The following RUNX3 variants were observed in gnomAD, a reference collection of about 807,000 sequenced individuals.
The protein encoded by RUNX3 is RUNX family transcription factor 3.
Under a neutral mutation model 27.7 loss-of-function variants are expected in RUNX3, and 10 were observed. The observed-to-expected ratio is 0.36, with a 90% CI of 0.22 to 0.61. The LOEUF is 0.61. Ranked by LOEUF, RUNX3 falls within the 20% of genes least tolerant of loss-of-function variation. The pLI is 0.72. For missense variants in RUNX3, 469 were observed against 629.5 expected (o/e 0.75, Z 2.73); for synonymous variants, 270 against 269.2 (o/e 1.00, Z -0.03).
intron 2 of RUNX3, among the ~76,000 whole-genome samples, chr1:24,949,087 G>T (rs1053007688): frequency 6.6e-6 from 1 of 151,964 alleles, no homozygotes; most frequent in African/African-American, 2.4e-5. Context: ...GGGGATGGGG[G>T]TCTGCAGGTC....
At position 24,916,465 on chromosome 1, in the gene RUNX3, C is replaced by G. The variant is rs935027230; in HGVS notation, c.544+2775G>C. Among the ~76,000 whole-genome samples the G allele has an allele frequency of 6.6e-6, 1 of 152,232 alleles. No homozygotes were observed. The highest frequency in any genetic ancestry group is 1.5e-5 in the Non-Finnish European group (1 of 68,046). ...AAGGTTTTGCGCCCTGGCCTCTATCCTCTCCTGGGGTTGCCCAAGAGATCA... is the reference window on the plus strand; with the variant it reads ...AAGGTTTTGCGCCCTGGCCTCTATCGTCTCCTGGGGTTGCCCAAGAGATCA... On this transcript the variant is annotated intron_variant, in intron 3 of 4. Transcript: ENST00000308873. The surrounding 1 kb of genome is among the most constrained non-coding windows in gnomAD (Gnocchi z 4.8).
chr1:24,964,531 G>A (rs896082468), exon 2 of RUNX3: 6 of 1,611,666 alleles, frequency 3.7e-6, no homozygotes, highest in East Asian at 4.5e-5. Context: ...GAAGGTCGGC[G>A]AGTAGGTCGG....
In RUNX3 at chr1:24,902,837, C is replaced by G. The variant is rs1640587925; in HGVS notation, c.704-171G>C. Among the ~76,000 whole-genome samples the G allele has an allele frequency of 6.6e-6, 1 of 152,192 alleles. No individual in the cohort carries two copies. The highest frequency in any genetic ancestry group is 2.4e-5 in the African/African-American group (1 of 41,444). On this transcript the variant is annotated intron_variant, in intron 4 of 4. Coordinates refer to ENST00000308873, the MANE Select transcript of RUNX3 (RefSeq NM_004350.3). This position sits in a 1 kb window ranked among gnomAD's most constrained non-coding sequence, Gnocchi z 9.2. ...GCCCGGGGCCTCCCCCGCCAGGACTCCGAACACAGACCTGCCGGGAAGCTG... is the reference window on the plus strand; with the variant it reads ...GCCCGGGGCCTCCCCCGCCAGGACTGCGAACACAGACCTGCCGGGAAGCTG...
chr1:24,930,144 C>T lies in RUNX3; in HGVS notation c.-276G>A. On this transcript the variant is annotated 5_prime_UTR_variant, in exon 1 of 5. Coordinates refer to ENST00000308873, the MANE Select transcript of RUNX3 (RefSeq NM_004350.3). This position sits in a 1 kb window ranked among gnomAD's most constrained non-coding sequence, Gnocchi z 4.1. ...GCGTGCGGCCGCCCCTCGTGGCTGT[C>T]CCGGCTGCCTGGGCCGCGGCGGGGC... 1.0e-6 allele frequency: 1 copy of T among 979,474 alleles called. No individual in the cohort carries two copies. Among genetic ancestry groups the T allele is most frequent in the Non-Finnish European group, 1.2e-6 (1 of 827,544 alleles). The allele number at this position is 979,474 out of a possible 1,614,324, so 60.7% of individuals were successfully genotyped here.
intron 2 of RUNX3, among the ~76,000 whole-genome samples, chr1:24,924,548 T>G (rs531323885): frequency 6.6e-6 from 1 of 152,250 alleles, no homozygotes; most frequent in East Asian, 1.9e-4. Flanking sequence ...AGTCATGGTA[T>G]TGGCAGCAAG....
At chr1:24,952,606 C>G (rs1641794075) in intron 2 of RUNX3, among the ~76,000 whole-genome samples, 1 of 152,174 alleles carries the variant, frequency 6.6e-6, no homozygotes. Context: ...TGAGGAACAC[C>G]CTCTCGCAGG....
At chr1:24,956,615 C>G (rs556955592) in intron 2 of RUNX3, among the ~76,000 whole-genome samples, 4 of 152,130 alleles carry the variant, frequency 2.6e-5, no homozygotes, top group African/African-American at 9.7e-5. Flanking sequence ...CACAGGGGTG[C>G]GAAGAGCTGG....
At chr1:24,941,114 ACC>A (rs1641465949) in intron 2 of RUNX3, among the ~76,000 whole-genome samples, 2 of 152,194 alleles carry the variant, frequency 1.3e-5, no homozygotes, top group East Asian at 3.8e-4. Flanking sequence ...GGTCCTGTGT[ACC>A]ATCACACTCT....
chr1:24,943,039 A>C lies in RUNX3; in HGVS notation c.59-13187T>G, dbSNP rs1641516915. On this transcript the variant is annotated intron_variant, in intron 2 of 6. Transcript: ENST00000338888. The surrounding 1 kb of genome is among the most constrained non-coding windows in gnomAD (Gnocchi z 4.6). The stretch of plus-strand genomic sequence containing the variant: ...GGACTGGGCGGGGGTCCGGAGCGGA[A>C]GGCGCCCAGCCCTGATTGGAACAAG... Among the ~76,000 whole-genome samples the C allele has an allele frequency of 6.6e-6, 1 of 152,204 alleles. No homozygotes were observed. Among genetic ancestry groups the C allele is most frequent in the Non-Finnish European group, 1.5e-5 (1 of 68,034 alleles).
chr1:24,935,329 C>G (rs762338600), intron 2 of RUNX3, among the ~76,000 whole-genome samples: 1 of 152,182 alleles, frequency 6.6e-6, no homozygotes, highest in Non-Finnish European at 1.5e-5. Flanking sequence ...ACATGCCATG[C>G]GGGTTCCATA....
At chr1:24,951,065 T>C (rs1641749411) in intron 2 of RUNX3, among the ~76,000 whole-genome samples, 1 of 151,486 alleles carries the variant, frequency 6.6e-6, no homozygotes, top group South Asian at 2.1e-4. Flanking sequence ...AATTAGCCGG[T>C]TGTGGTGGTG....
chr1:24,944,496 A>G (rs542987374), intron 2 of RUNX3, among the ~76,000 whole-genome samples: 2 of 152,312 alleles, frequency 1.3e-5, no homozygotes, highest in African/African-American at 4.8e-5. Context: ...ACCTGTGGCT[A>G]TGTTACCTTA....
At chr1:24,907,766 G>A (rs1224516109) in intron 3 of RUNX3, among the ~76,000 whole-genome samples, 2 of 148,266 alleles carry the variant, frequency 1.3e-5, no homozygotes, top group African/African-American at 5.0e-5. Flanking sequence ...TACAACACGC[G>A]GTGATCTAAA....
At chr1:24,917,670 T>C (rs1381578916) in intron 3 of RUNX3, among the ~76,000 whole-genome samples, 2 of 152,220 alleles carry the variant, frequency 1.3e-5, no homozygotes, top group Admixed American at 1.3e-4. Flanking sequence ...ATTAAGCCAC[T>C]GTTTCCTCGC....
chr1:24,919,883 G>GTT (rs577677713), intron 2 of RUNX3, among the ~76,000 whole-genome samples: 1 of 146,696 alleles, frequency 6.8e-6, no homozygotes, highest in Admixed American at 6.8e-5. Context: ...TTTTCATACT[G>GTT]TTTTTTTTTT....
intron 3 of RUNX3, among the ~76,000 whole-genome samples, chr1:24,907,786 C>A (rs1640698689): frequency 6.6e-6 from 1 of 151,640 alleles, no homozygotes; most frequent in Admixed American, 6.6e-5. Flanking sequence ...ACCTCTACAA[C>A]ACACGGTGAT....
In RUNX3 at chr1:24,902,743, TC is replaced by T; in HGVS notation, c.704-78del. 1 of 1,317,926 alleles carries T rather than the reference TC, an allele frequency of 7.6e-7. No homozygotes were observed. The highest frequency in any genetic ancestry group is 1.8e-5 in the South Asian group (1 of 56,810). The allele number at this position is 1,317,926 out of a possible 1,614,324, so 81.6% of individuals were successfully genotyped here. A position where few individuals can be genotyped will look rare whatever the true frequency, so the allele number is the denominator to read the frequency against. On this transcript the variant is annotated intron_variant, in intron 4 of 4. Transcript: ENST00000308873. The surrounding 1 kb of genome is among the most constrained non-coding windows in gnomAD (Gnocchi z 9.2). The stretch of plus-strand genomic sequence containing the variant: ...GGCTTCCTGAAGAATGACCTTGGGC[TC>T]TGGTTCCCAAGGCCCATCTGGGGGA...
intron 2 of RUNX3, among the ~76,000 whole-genome samples, chr1:24,938,814 C>T (rs1339251396): frequency 6.6e-6 from 1 of 152,156 alleles, no homozygotes. Flanking sequence ...AAGACACTGC[C>T]TTGGAAACAG....
chr1:24,910,709 G>A (rs905735337), intron 3 of RUNX3, among the ~76,000 whole-genome samples: 2 of 152,184 alleles, frequency 1.3e-5, no homozygotes, highest in Non-Finnish European at 2.9e-5. Flanking sequence ...AAGAACCAGG[G>A]AGCCCCACCT....
Sources: gnomAD v4.1 joint callset for allele counts (sites outside exome capture counted in the v4.1 genomes callset) on GRCh38, gnomAD v4.1.1 for gene constraint, Gnocchi (gnomAD v3.1) non-coding constraint, MANE v1.5 for transcripts, NCBI Gene and HGNC (gene_info 2026-07-23, HGNC 2026-07-21) for gene names.